The following KIRREL3 variants were observed in gnomAD, a reference collection of about 807,000 sequenced individuals.
The protein encoded by KIRREL3 is kin of IRRE-like protein 3.
KIRREL3 carries 36 observed loss-of-function variants against 89.7 expected under a neutral mutation model. The ratio of observed to expected loss-of-function variants is 0.40; its 90% CI spans 0.31 to 0.53. The LOEUF is 0.53. Among genes scored for constraint, KIRREL3 ranks in the 20% least tolerant of loss-of-function variants. The pLI, the probability that KIRREL3 is intolerant of heterozygous loss-of-function variation, is 0.49. For synonymous variants in KIRREL3, 445 were observed against 441.4 expected, an observed-to-expected ratio of 1.01 and a Z score of -0.10; for missense variants, 864 against 1,056.6, an observed-to-expected ratio of 0.82 and a Z score of 2.53.
In KIRREL3 at chr11:126,723,764, G is replaced by GAAGA. The variant is rs1372166495; in HGVS notation, c.56-160856_56-160853dup. Among the ~76,000 whole-genome samples, 2 of 152,204 alleles carry GAAGA rather than the reference G, an allele frequency of 1.3e-5. No homozygotes were observed. The highest frequency in any genetic ancestry group is 2.9e-5 in the Non-Finnish European group (2 of 68,046). On this transcript the variant is annotated intron_variant, in intron 1 of 16. Transcript: ENST00000525144. The surrounding 1 kb of genome is among the most constrained non-coding windows in gnomAD (Gnocchi z 4.0). ...AATGATACAATATGAAAAGAGAAGG[G>GAAGA]AAGAAGGAAAGATGGAAGGAAAAGA...
rs1946434454 is a variant in KIRREL3, at chr11:126,903,061, AT to A, written c.55+97393del. ...AAAATAGCATCATTTACTCAGCAGC[AT>A]ATTGTACCTTTGCCTATTGTTTTCT... On this transcript the variant is annotated intron_variant, in intron 1 of 16. Coordinates refer to ENST00000525144, the MANE Select transcript of KIRREL3 (RefSeq NM_032531.4). The surrounding 1 kb of genome is among the most constrained non-coding windows in gnomAD (Gnocchi z 4.5). 6.6e-6 allele frequency among the ~76,000 whole-genome samples: 1 copy of A among 152,228 alleles called. No individual in the cohort carries two copies.
chr11:126,707,913 A>C (rs1947599874), intron 1 of KIRREL3, among the ~76,000 whole-genome samples: 1 of 150,222 alleles, frequency 6.7e-6, no homozygotes, highest in Non-Finnish European at 1.5e-5. Context: ...TTGAGAAAGC[A>C]GTTATCTTTT....
In KIRREL3 at chr11:126,553,520, G is replaced by C. The variant is rs1451944287; in HGVS notation, c.133+9315C>G. On this transcript the variant is annotated intron_variant, in intron 2 of 16. Transcript: ENST00000525144. This position sits in a 1 kb window ranked among gnomAD's most constrained non-coding sequence, Gnocchi z 4.7. ...AGAGGGTGCAAAGGGAACATGTCCA[G>C]ATTCAGCCCATCTCTACACTGCTGC... Among the ~76,000 whole-genome samples, 2 of 152,184 alleles carry C rather than the reference G, an allele frequency of 1.3e-5. No homozygotes were observed. The highest frequency in any genetic ancestry group is 6.5e-5 in the Admixed American group (1 of 15,286).
chr11:126,691,601 T>A (rs751834559), intron 1 of KIRREL3, among the ~76,000 whole-genome samples: 82 of 152,084 alleles, frequency 5.4e-4, no homozygotes, highest in African/African-American at 1.7e-3. Flanking sequence ...CTTCTTTTTT[T>A]AAAAAAAATA....
At chr11:126,538,787 G>A (rs1938125350) in intron 2 of KIRREL3, among the ~76,000 whole-genome samples, 2 of 152,180 alleles carry the variant, frequency 1.3e-5, no homozygotes, top group South Asian at 2.1e-4. Context: ...TTGGGTGTGG[G>A]GTGTGCAGGA....
intron 1 of KIRREL3, among the ~76,000 whole-genome samples, chr11:126,758,363 G>C (rs777616108): frequency 2.6e-5 from 4 of 152,186 alleles, no homozygotes; most frequent in Non-Finnish European, 5.9e-5. Flanking sequence ...CAAGTAATTT[G>C]TAGTAGTACT....
At chr11:126,425,077 G>A in intron 16 of KIRREL3, 54 bp from the exon 17 acceptor site, 3 of 1,439,950 alleles carry the variant, frequency 2.1e-6, no homozygotes, top group Non-Finnish European at 2.8e-6. Flanking sequence ...CACTGAGCGT[G>A]GCTGGGGTTT....
chr11:126,939,570 C>T (rs749764958), intron 1 of KIRREL3, among the ~76,000 whole-genome samples: 2 of 152,136 alleles, frequency 1.3e-5, no homozygotes, highest in Non-Finnish European at 2.9e-5. Context: ...AAGGCTGCTC[C>T]TCTGGTAGGC....
In KIRREL3 at chr11:126,918,131, G is replaced by A. The variant is rs1947113333; in HGVS notation, c.55+82324C>T. On this transcript the variant is annotated intron_variant, in intron 1 of 16. Transcript: ENST00000525144. This position sits in a 1 kb window ranked among gnomAD's most constrained non-coding sequence, Gnocchi z 6.5. ...GAAGACAGAGACTCACGGTATGGCA[G>A]TTGAAGGACACACGACTTGAGGGAG... 6.6e-6 allele frequency among the ~76,000 whole-genome samples: 1 copy of A among 152,136 alleles called. No individual in the cohort carries two copies.
rs990476831 is a variant in KIRREL3, at chr11:126,451,469, T to C, written c.849-2312A>G. On this transcript the variant is annotated intron_variant, in intron 7 of 16. Coordinates refer to ENST00000525144, the MANE Select transcript of KIRREL3 (RefSeq NM_032531.4). ...CCAAGTGCATGCGCATGTGTGGGCA[T>C]GTGCATGTGTGTGTGCGCATGTGTG... Among the ~76,000 whole-genome samples, 11 of 146,600 alleles carry C rather than the reference T, an allele frequency of 7.5e-5. No homozygotes were observed. The South Asian group carries it at 2.3e-3, about 31-fold the overall frequency.
Position 126,919,688 on chromosome 11 carries a change from T to G in KIRREL3, c.55+80767A>C, listed in dbSNP as rs372592615. Among the ~76,000 whole-genome samples, 17 of 152,180 alleles carry G rather than the reference T, an allele frequency of 1.1e-4. No homozygotes were observed. The East Asian group carries it at 1.3e-3, about 12-fold the overall frequency. On this transcript the variant is annotated intron_variant, in intron 1 of 16. Transcript: ENST00000525144. Reference sequence around the variant, plus strand: ...TCTTGAACTCACACAGTTGAGGTCTTTGTGGTCTGGGAGAGAAACCCTTTC... The same window carrying G: ...TCTTGAACTCACACAGTTGAGGTCTGTGTGGTCTGGGAGAGAAACCCTTTC...
chr11:126,476,118 C>A lies in KIRREL3; in HGVS notation c.434-2652G>T, dbSNP rs1957057556. Among the ~76,000 whole-genome samples, 1 of 152,220 alleles carries A rather than the reference C, an allele frequency of 6.6e-6. No individual in the cohort carries two copies. The highest frequency in any genetic ancestry group is 1.5e-5 in the Non-Finnish European group (1 of 68,036). On this transcript the variant is annotated intron_variant, in intron 4 of 16. Transcript: ENST00000525144. This position sits in a 1 kb window ranked among gnomAD's most constrained non-coding sequence, Gnocchi z 6.4. ...CGTGAGAGCTCGGAGGATCTGGGAA[C>A]TGACCGCTCTCCAGCACGGACATTT...
intron 1 of KIRREL3, among the ~76,000 whole-genome samples, chr11:126,887,091 A>C (rs10790852): frequency 6.6e-6 from 1 of 151,876 alleles, no homozygotes; most frequent in Admixed American, 6.5e-5. Context: ...GGAAAAGCAC[A>C]GGGGGACAGC....
rs186854929 is a variant in KIRREL3, at chr11:126,843,092, T to C, written c.55+157363A>G. ...ACTGAGGGGCTGGCTCACATTTCTA[T>C]ATAACAGTGTCCTCGTTCTCACCTG... On this transcript the variant is annotated intron_variant, in intron 1 of 16. Transcript: ENST00000525144. The surrounding 1 kb of genome is among the most constrained non-coding windows in gnomAD (Gnocchi z 4.6). Among the ~76,000 whole-genome samples the C allele has an allele frequency of 6.6e-6, 1 of 152,186 alleles. No homozygotes were observed. The highest frequency in any genetic ancestry group is 2.1e-4 in the South Asian group (1 of 4,822).
At position 126,441,513 on chromosome 11, in the gene KIRREL3, T is replaced by C. The variant is rs1420615014; in HGVS notation, c.1253-964A>G. ...CTGGCTGGGCTGGGTGGTTGAAGGA[T>C]GGGAGTAGGGACGGAAACTGTCATG... On this transcript the variant is annotated intron_variant, in intron 10 of 16. Transcript: ENST00000525144. The surrounding 1 kb of genome is among the most constrained non-coding windows in gnomAD (Gnocchi z 5.0). 6.6e-6 allele frequency among the ~76,000 whole-genome samples: 1 copy of C among 152,172 alleles called. No individual in the cohort carries two copies.
In KIRREL3 at chr11:126,475,164, G is replaced by A. The variant is rs1957030327; in HGVS notation, c.434-1698C>T. On this transcript the variant is annotated intron_variant, in intron 4 of 16. Transcript: ENST00000525144. This position sits in a 1 kb window ranked among gnomAD's most constrained non-coding sequence, Gnocchi z 7.5. ...AAGGGTCCTCTCTGCCTGGTGGCCA[G>A]AGAAGCCCGCCCTTCTATGCAGGCT... 6.6e-6 allele frequency among the ~76,000 whole-genome samples: 1 copy of A among 152,220 alleles called. No homozygotes were observed. Among genetic ancestry groups the A allele is most frequent in the African/African-American group, 2.4e-5 (1 of 41,468 alleles).
At chr11:126,540,810 C>T (rs1203902509) in intron 2 of KIRREL3, among the ~76,000 whole-genome samples, 4 of 152,184 alleles carry the variant, frequency 2.6e-5, no homozygotes, top group Admixed American at 6.5e-5. Context: ...TGCTCGACAG[C>T]GCATGAAGCA....
intron 5 of KIRREL3, among the ~76,000 whole-genome samples, chr11:126,470,973 G>A (rs1164516835): frequency 6.6e-6 from 1 of 152,216 alleles, no homozygotes; most frequent in Non-Finnish European, 1.5e-5. Flanking sequence ...GTTGAGTGGA[G>A]TTTGGTGGGG....
chr11:126,923,216 CTTCTTCTTCTTCT>C, intron 1 of KIRREL3, among the ~76,000 whole-genome samples: 1 of 25,174 alleles, frequency 4.0e-5, no homozygotes, highest in Non-Finnish European at 7.7e-5. Context: ...TCTTCTTCTT[CTTCTTCTTCTTCT>C]TCTTCTTCTT....
Sources: allele counts gnomAD v4.1 joint callset (sites outside exome capture counted in the v4.1 genomes callset), GRCh38; gene constraint gnomAD v4.1.1; non-coding constraint Gnocchi (gnomAD v3.1); transcripts MANE v1.5; gene names NCBI Gene and HGNC (gene_info 2026-07-23, HGNC 2026-07-21).